Variants in DTX1 observed in about 807,000 individuals in gnomAD.
The protein encoded by DTX1 is E3 ubiquitin-protein ligase DTX1.
DTX1 carries 26 observed loss-of-function variants against 57.8 expected under a neutral mutation model. The ratio of observed to expected loss-of-function variants is 0.45; its 90% CI spans 0.33 to 0.62. The LOEUF is 0.62. Among genes scored for constraint, DTX1 ranks in the 20% least tolerant of loss-of-function variants. DTX1 has a pLI of 0.02. For missense variants in DTX1, 704 were observed against 895.3 expected, an observed-to-expected ratio of 0.79 and a Z score of 2.73; for synonymous variants, 398 against 394.1, an observed-to-expected ratio of 1.01 and a Z score of -0.12.
intron 2 of DTX1, among the ~76,000 whole-genome samples, chr12:113,061,179 T>G (rs1333235150): frequency 1.3e-5 from 2 of 151,926 alleles, no homozygotes; most frequent in East Asian, 3.9e-4. Flanking sequence ...AGCTGTTCAC[T>G]CCACACCTGC....
chr12:113,093,322 G>T lies in DTX1; in HGVS notation c.1003+99G>T. The T allele has an allele frequency of 7.0e-7, 1 of 1,430,912 alleles. No homozygotes were observed. The highest frequency in any genetic ancestry group is 9.5e-7 in the Non-Finnish European group (1 of 1,057,074). The allele number at this position is 1,430,912 out of a possible 1,614,324, so 88.6% of individuals were successfully genotyped here. On this transcript the variant is annotated intron_variant, in intron 4 of 9. Coordinates refer to ENST00000548759, the MANE Select transcript of DTX1 (RefSeq NM_004416.3). The surrounding 1 kb of genome is among the most constrained non-coding windows in gnomAD (Gnocchi z 4.2). ...CCGCCCCCGAGATGGGCTGGTGAGC[G>T]TGGCCCGGAGGAAACGCCCCCTTCC...
At chr12:113,083,258 A>T (rs2044830854) in intron 3 of DTX1, among the ~76,000 whole-genome samples, 1 of 152,196 alleles carries the variant, frequency 6.6e-6, no homozygotes, top group African/African-American at 2.4e-5. Context: ...TTAAGGTTTC[A>T]ACACATGACT....
In DTX1 at chr12:113,074,667, G is replaced by T. The variant is rs188094492; in HGVS notation, c.260-2757G>T. Among the ~76,000 whole-genome samples, 553 of 152,320 alleles carry T rather than the reference G, an allele frequency of 3.6e-3. 4 individuals carry two copies. The highest frequency in any genetic ancestry group is 0.012 in the African/African-American group (507 of 41,568). ...CATTGAGCAGGATCCCTCTGGCTGC[G>T]GTATGGGAAATGGATTACAGAGGCC... On this transcript the variant is annotated intron_variant, in intron 2 of 9. Coordinates refer to ENST00000548759, the MANE Select transcript of DTX1 (RefSeq NM_004416.3).
chr12:113,066,669 A>G (rs564309685), intron 2 of DTX1, among the ~76,000 whole-genome samples: 1 of 152,200 alleles, frequency 6.6e-6, no homozygotes, highest in South Asian at 2.1e-4. Flanking sequence ...GATTGTGGTC[A>G]CTATTCATTC....
Position 113,094,873 on chromosome 12 carries a change from GTGGGCCGCC to G in DTX1, c.1321_1329del (p.Leu441_Arg443del). 6.2e-7 allele frequency: 1 copy of G among 1,613,734 alleles called. No homozygotes were observed. The highest frequency in any genetic ancestry group is 8.5e-7 in the Non-Finnish European group (1 of 1,180,010). Reference sequence around the variant, plus strand: ...GCACAAGGGCGTGCGGCCTGAGCTCGTGGGCCGCCTGGGCCGCTGTGGCCACATGTACCA... The same window carrying G: ...GCACAAGGGCGTGCGGCCTGAGCTCGTGGGCCGCTGTGGCCACATGTACCA... On this transcript the variant is annotated inframe_deletion, in exon 7 of 10. Transcript: ENST00000548759.
intron 3 of DTX1, among the ~76,000 whole-genome samples, chr12:113,091,365 T>A (rs2136066160): frequency 7.0e-6 from 1 of 142,280 alleles, no homozygotes; most frequent in Admixed American, 7.1e-5. Context: ...TATATGTTCA[T>A]GGTGTGCATT....
chr12:113,096,614 A>C (rs1950298429), intron 9 of DTX1, 101 bp from the exon 10 acceptor site: 1 of 1,130,164 alleles, frequency 8.8e-7, no homozygotes, highest in East Asian at 2.6e-5. Flanking sequence ...CGAAGCCATA[A>C]GGTAGCCATG....
Position 113,057,974 on chromosome 12 carries a change from G to A in DTX1, c.-219G>A. On this transcript the variant is annotated 5_prime_UTR_variant, in exon 2 of 10. Transcript: ENST00000548759. ...CTTTCCAGGGCAGCACCCTTTATCG[G>A]AGAAGGCTCTACAGGGAAGGGGTCT... 2.9e-6 allele frequency: 2 copies of A among 682,192 alleles called. No homozygotes were observed. Among genetic ancestry groups the A allele is most frequent in the Non-Finnish European group, 4.8e-6 (2 of 419,674 alleles). 42.3% of individuals were successfully genotyped at this position (682,192 alleles called of 1,614,324 possible).
At position 113,097,012 on chromosome 12, in the gene DTX1, T is replaced by A; in HGVS notation, c.*73T>A. ...AATGCCTCCTTCGCCAGGTGTGTCC[T>A]GGTAGCCCAGGTTCAGGGCTGGGGA... On this transcript the variant is annotated 3_prime_UTR_variant, in exon 10 of 10. Coordinates refer to ENST00000548759, the MANE Select transcript of DTX1 (RefSeq NM_004416.3). The A allele has an allele frequency of 6.8e-7, 1 of 1,477,628 alleles. No individual in the cohort carries two copies. The highest frequency in any genetic ancestry group is 9.0e-7 in the Non-Finnish European group (1 of 1,106,160). 91.5% of individuals were successfully genotyped at this position (1,477,628 alleles called of 1,614,324 possible). A position where few individuals can be genotyped will look rare whatever the true frequency, so the allele number is the denominator to read the frequency against.
At chr12:113,073,115 C>T (rs1371182993) in intron 2 of DTX1, among the ~76,000 whole-genome samples, 1 of 152,264 alleles carries the variant, frequency 6.6e-6, no homozygotes, top group Non-Finnish European at 1.5e-5. Flanking sequence ...TTAAATAAGG[C>T]GGGTTCCCAT....
chr12:113,074,192 G>T (rs570933211), intron 2 of DTX1, among the ~76,000 whole-genome samples: 2 of 152,326 alleles, frequency 1.3e-5, no homozygotes, highest in East Asian at 3.9e-4. Flanking sequence ...TCACGCCACT[G>T]CACTCCAGGC....
rs1486230214 is a variant in DTX1, at chr12:113,091,110, G to A, written c.942-2052G>A. ...CACCTTACCCAGCTCTGTGCAGCTG[G>A]GGAGAGGGGCGGCAGTAGCAGGTGC... On this transcript the variant is annotated intron_variant, in intron 3 of 9. Coordinates refer to ENST00000548759, the MANE Select transcript of DTX1 (RefSeq NM_004416.3). Among the ~76,000 whole-genome samples, 3 of 152,176 alleles carry A rather than the reference G, an allele frequency of 2.0e-5. No individual in the cohort carries two copies. The East Asian group carries it at 5.8e-4, about 29-fold the overall frequency.
intron 3 of DTX1, among the ~76,000 whole-genome samples, chr12:113,081,141 G>A (rs1213446260): frequency 3.9e-5 from 6 of 152,102 alleles, no homozygotes; most frequent in Non-Finnish European, 7.3e-5. Context: ...CCAGGAGTTC[G>A]AGACCAGCAT....
chr12:113,093,433 C>T lies in DTX1; in HGVS notation c.1004-106C>T. On this transcript the variant is annotated intron_variant, in intron 4 of 9. Transcript: ENST00000548759. The surrounding 1 kb of genome is among the most constrained non-coding windows in gnomAD (Gnocchi z 4.2). ...GGGCTGAGTGGGTGGGGCCCAAGAG[C>T]GCAACCCTCCCACCCACCCGAGGGC... 1.7e-6 allele frequency: 2 copies of T among 1,188,882 alleles called. No individual in the cohort carries two copies. The highest frequency in any genetic ancestry group is 2.3e-6 in the Non-Finnish European group (2 of 868,288). The allele number at this position is 1,188,882 out of a possible 1,614,324, so 73.6% of individuals were successfully genotyped here.
chr12:113,078,053 C>G lies in DTX1; in HGVS notation c.889C>G (p.Pro297Ala). 1.5e-6 allele frequency: 2 copies of G among 1,376,060 alleles called. No homozygotes were observed. The highest frequency in any genetic ancestry group is 1.9e-6 in the Non-Finnish European group (2 of 1,063,080). 85.2% of individuals were successfully genotyped at this position (1,376,060 alleles called of 1,614,324 possible). A position where few individuals can be genotyped will look rare whatever the true frequency, so the allele number is the denominator to read the frequency against. ...RTPGQNNLNR[P>A]GPQRTTSVSA... ...CCCGGGGCAGAACAACCTCAACCGG[C>G]CCGGGCCCCAGCGCACCACCAGCGT... The change falls in exon 3 of 10, where the codon CCC becomes GCC. Residue 297 changes from proline to alanine, a missense_variant. Coordinates refer to ENST00000548759, the MANE Select transcript of DTX1 (RefSeq NM_004416.3).
Position 113,093,141 on chromosome 12 carries a change from CCTCTT to C in DTX1, c.942-12_942-8del, listed in dbSNP as rs777776829. The C allele has an allele frequency of 1.9e-6, 3 of 1,581,690 alleles. No homozygotes were observed. The highest frequency in any genetic ancestry group is 2.6e-6 in the Non-Finnish European group (3 of 1,163,908). On this transcript the variant is annotated splice_polypyrimidine_tract_variant and intron_variant, in intron 3 of 9. Coordinates refer to ENST00000548759, the MANE Select transcript of DTX1 (RefSeq NM_004416.3). The surrounding 1 kb of genome is among the most constrained non-coding windows in gnomAD (Gnocchi z 4.2). ...TTCGGGGGCTGGAGTCCAGCTGCGG[CCTCTT>C]CTCTTCTCCCCGCAGGGTCCCCGCA...
At chr12:113,087,007 G>A (rs904982432) in intron 3 of DTX1, among the ~76,000 whole-genome samples, 6 of 149,822 alleles carry the variant, frequency 4.0e-5, no homozygotes, top group Non-Finnish European at 8.9e-5. Context: ...GCCCCGGGCC[G>A]TGGGAACAGC....
At chr12:113,076,865 T>C (rs2044775760) in intron 2 of DTX1, among the ~76,000 whole-genome samples, 1 of 152,178 alleles carries the variant, frequency 6.6e-6, no homozygotes, top group Non-Finnish European at 1.5e-5. Flanking sequence ...GAGGACTGCA[T>C]GGGGCCTATG....
At position 113,093,739 on chromosome 12, in the gene DTX1, C is replaced by T; in HGVS notation, c.1165+39C>T. 1 of 1,606,556 alleles carries T rather than the reference C, an allele frequency of 6.2e-7. No homozygotes were observed. Among genetic ancestry groups the T allele is most frequent in the South Asian group, 1.1e-5 (1 of 90,340 alleles). ...GCCCTGCCTCACACGAGATGAACCCCACTAAGCCTTGACCACAACTCTGTG... is the reference window on the plus strand; with the variant it reads ...GCCCTGCCTCACACGAGATGAACCCTACTAAGCCTTGACCACAACTCTGTG... On this transcript the variant is annotated intron_variant, in intron 5 of 9. Transcript: ENST00000548759. The surrounding 1 kb of genome is among the most constrained non-coding windows in gnomAD (Gnocchi z 4.2).
Sources: allele counts gnomAD v4.1 joint callset (sites outside exome capture counted in the v4.1 genomes callset), GRCh38; gene constraint gnomAD v4.1.1; non-coding constraint Gnocchi (gnomAD v3.1); transcripts MANE v1.5; gene names NCBI Gene and HGNC (gene_info 2026-07-23, HGNC 2026-07-21).